Variants in HPSE2 observed in about 807,000 individuals in gnomAD.
The protein encoded by HPSE2 is heparanase 2 (inactive).
HPSE2 carries 38 observed loss-of-function variants against 60.5 expected under a neutral mutation model. The ratio of observed to expected loss-of-function variants is 0.63; its 90% CI spans 0.48 to 0.82. HPSE2 has a LOEUF of 0.82. HPSE2 is among the 40% of genes least tolerant of loss of function. The pLI, the probability that HPSE2 is intolerant of heterozygous loss-of-function variation, is 0.00. For missense variants in HPSE2, 713 were observed against 740.4 expected (o/e 0.96, Z 0.43); for synonymous variants, 295 against 293.2 (o/e 1.01, Z -0.06).
At chr10:98,877,364 G>A (rs1021284299) in intron 3 of HPSE2, among the ~76,000 whole-genome samples, 3 of 151,814 alleles carry the variant, frequency 2.0e-5, no homozygotes, top group Non-Finnish European at 2.9e-5. Context: ...TTGGAAGCAA[G>A]AAGTACTAGA....
chr10:98,521,201 G>C (rs1160935804), intron 9 of HPSE2, among the ~76,000 whole-genome samples: 1 of 152,120 alleles, frequency 6.6e-6, no homozygotes, highest in African/African-American at 2.4e-5. Flanking sequence ...GAGTGAACAG[G>C]CAACCTACAG....
rs370989072 is a variant in HPSE2 at position 99,098,785 on chromosome 10, C to A, written c.610+45453G>T. On this transcript the variant is annotated intron_variant, in intron 3 of 11. Coordinates refer to ENST00000370552, the MANE Select transcript of HPSE2 (RefSeq NM_021828.5). ...CATAGACTTTAACAGGGTTTGGGTT[C>A]AATTTACATACGATGTTAATAATAT... Among the ~76,000 whole-genome samples, 4 of 152,242 alleles carry A rather than the reference C, an allele frequency of 2.6e-5. 1 individual carries two copies. Among genetic ancestry groups the A allele is most frequent in the South Asian group, 4.1e-4 (2 of 4,826 alleles).
At chr10:99,236,186 CG>C (rs1180202527), upstream of HPSE2, among the ~76,000 whole-genome samples, 1 of 151,566 alleles carries the variant, frequency 6.6e-6, no homozygotes, top group Non-Finnish European at 1.5e-5. Context: ...GGGGAGCAGG[CG>C]GGAAGGAGGA....
At position 98,879,852 on chromosome 10, in the gene HPSE2, CGTGTGTGT is replaced by C. The variant is rs3043546; in HGVS notation, c.611-135804_611-135797del. Among the ~76,000 whole-genome samples, 16 of 145,782 alleles carry C rather than the reference CGTGTGTGT, an allele frequency of 1.1e-4. No individual in the cohort carries two copies. The South Asian group carries it at 1.6e-3, about 14-fold the overall frequency. On this transcript the variant is annotated intron_variant, in intron 3 of 11. Coordinates refer to ENST00000370552, the MANE Select transcript of HPSE2 (RefSeq NM_021828.5). ...GGAAACAACAGTTGGTGTGCATGTG[CGTGTGTGT>C]GTGTGTGTGTGTGTGTGTGTGTGTG...
At chr10:98,469,272 A>C (rs1336081558) in intron 11 of HPSE2, among the ~76,000 whole-genome samples, 1 of 152,166 alleles carries the variant, frequency 6.6e-6, no homozygotes, top group Non-Finnish European at 1.5e-5. Flanking sequence ...ATCTGGGGGA[A>C]GTTTGGAAAG....
intron 3 of HPSE2, among the ~76,000 whole-genome samples, chr10:99,073,475 G>T (rs1385940237): frequency 6.6e-6 from 1 of 152,046 alleles, no homozygotes; most frequent in Non-Finnish European, 1.5e-5. Flanking sequence ...GGGCCTGTTG[G>T]GGGTGGGGTG....
At chr10:98,538,134 T>C (rs1193812127) in intron 9 of HPSE2, among the ~76,000 whole-genome samples, 1 of 152,156 alleles carries the variant, frequency 6.6e-6, no homozygotes, top group Non-Finnish European at 1.5e-5. Flanking sequence ...GCAATAAATA[T>C]CATCGAGCCC....
chr10:98,690,843 T>C (rs1213937898), intron 6 of HPSE2, among the ~76,000 whole-genome samples: 1 of 152,152 alleles, frequency 6.6e-6, no homozygotes, highest in African/African-American at 2.4e-5. Flanking sequence ...TATATTTTGG[T>C]CCACAAAATA....
intron 2 of HPSE2, among the ~76,000 whole-genome samples, chr10:99,212,871 A>T (rs530414973): frequency 6.6e-6 from 1 of 152,336 alleles, no homozygotes; most frequent in South Asian, 2.1e-4. Flanking sequence ...CATATTTCAA[A>T]ACATCATATT....
chr10:98,701,289 A>G lies in HPSE2; in HGVS notation c.957-7342T>C, dbSNP rs1410118206. 4.3e-3 allele frequency among the ~76,000 whole-genome samples: 588 copies of G among 138,240 alleles called. 6 individuals are homozygous for G. The highest frequency in any genetic ancestry group is 0.014 in the African/African-American group (539 of 39,216). The allele number at this position is 138,240 out of a possible 152,430, so 90.7% of individuals were successfully genotyped here. ...GATTAAGAAAATGTGGCACATATACACCATGGAATACTATGCAGCCATAAA... is the reference window on the plus strand; with the variant it reads ...GATTAAGAAAATGTGGCACATATACGCCATGGAATACTATGCAGCCATAAA... On this transcript the variant is annotated intron_variant, in intron 5 of 11. Coordinates refer to ENST00000370552, the MANE Select transcript of HPSE2 (RefSeq NM_021828.5).
intron 11 of HPSE2, chr10:98,461,876 G>A (rs1040323792): frequency 1.6e-6 from 2 of 1,267,078 alleles, no homozygotes; most frequent in East Asian, 4.9e-5. Flanking sequence ...ATACTAATAA[G>A]GAGTAGTTGT....
At chr10:98,850,519 G>A (rs1358531979) in intron 3 of HPSE2, among the ~76,000 whole-genome samples, 2 of 151,930 alleles carry the variant, frequency 1.3e-5, no homozygotes, top group African/African-American at 2.4e-5. Flanking sequence ...GGCAGATCAC[G>A]AGGTTAGGAG....
At chr10:99,020,782 G>A (rs1957244825) in intron 3 of HPSE2, among the ~76,000 whole-genome samples, 1 of 152,128 alleles carries the variant, frequency 6.6e-6, no homozygotes, top group Non-Finnish European at 1.5e-5. Context: ...GTGAAAAAGA[G>A]ATGTACCTGG....
intron 5 of HPSE2, among the ~76,000 whole-genome samples, chr10:98,704,290 C>G (rs547264132): frequency 5.4e-4 from 82 of 152,284 alleles, no homozygotes; most frequent in Admixed American, 1.2e-3. Flanking sequence ...ATTCCATCCT[C>G]ATGGATAGGA....
chr10:98,948,765 C>T (rs1955263963), intron 3 of HPSE2, among the ~76,000 whole-genome samples: 2 of 152,100 alleles, frequency 1.3e-5, no homozygotes. Flanking sequence ...ACCACCCCCT[C>T]CTCTTCCACA....
At chr10:98,753,437 T>C (rs969895250) in intron 3 of HPSE2, among the ~76,000 whole-genome samples, 1 of 152,188 alleles carries the variant, frequency 6.6e-6, no homozygotes, top group Admixed American at 6.5e-5. Context: ...CTCAAAAGGA[T>C]ACTTGTACAT....
chr10:98,850,736 CAAAAA>C lies in HPSE2; in HGVS notation c.611-106685_611-106681del, dbSNP rs11345838. 7.0e-5 allele frequency among the ~76,000 whole-genome samples: 5 copies of C among 71,892 alleles called. No homozygotes were observed. The East Asian group carries it at 1.2e-3, about 18-fold the overall frequency. The allele number at this position is 71,892 out of a possible 152,430, so 47.2% of individuals were successfully genotyped here. On this transcript the variant is annotated intron_variant, in intron 3 of 11. Coordinates refer to ENST00000370552, the MANE Select transcript of HPSE2 (RefSeq NM_021828.5). ...TGGGTGACAGAGTGAGACTCCATCTCAAAAAAAAAAAAAAAAAAAAAAGGAACTAT... is the reference window on the plus strand; with the variant it reads ...TGGGTGACAGAGTGAGACTCCATCTCAAAAAAAAAAAAAAAAAGGAACTAT...
intron 6 of HPSE2, among the ~76,000 whole-genome samples, chr10:98,690,164 CCTT>C (rs1472460063): frequency 1.3e-5 from 2 of 152,182 alleles, no homozygotes; most frequent in Non-Finnish European, 2.9e-5. Flanking sequence ...GCCTTTGACT[CCTT>C]CTCCTTGACA....
intron 3 of HPSE2, among the ~76,000 whole-genome samples, chr10:98,989,415 A>C (rs1956464428): frequency 6.6e-6 from 1 of 150,436 alleles, no homozygotes; most frequent in Admixed American, 6.7e-5. Flanking sequence ...CAAACACTGC[A>C]TGTTCTCACT....
Sources: allele counts gnomAD v4.1 joint callset (sites outside exome capture counted in the v4.1 genomes callset), GRCh38; gene constraint gnomAD v4.1.1; transcripts MANE v1.5; gene names NCBI Gene and HGNC (gene_info 2026-07-23, HGNC 2026-07-21).